Variants in HCN2 observed in about 807,000 individuals in gnomAD.
HCN2 encodes the protein hyperpolarization activated cyclic nucleotide gated potassium and sodium channel 2.
In HCN2, 20 loss-of-function variants were observed where a neutral mutation model predicts 52.3. That is an observed-to-expected ratio of 0.38 (90% CI 0.27 to 0.56). The LOEUF is 0.56. Among genes scored for constraint, HCN2 ranks in the 20% least tolerant of loss-of-function variants. The pLI is 0.71. For synonymous variants in HCN2, 694 were observed against 537.0 expected (o/e 1.29, Z -4.04); for missense variants, 981 against 1,207.7 (o/e 0.81, Z 2.78).
chr19:603,688 G>C lies in HCN2; in HGVS notation c.777G>C (p.Leu259=). 2.5e-6 allele frequency: 4 copies of C among 1,612,782 alleles called. No individual in the cohort carries two copies. The highest frequency in any genetic ancestry group is 3.4e-6 in the Non-Finnish European group (4 of 1,179,750). Residue 259 remains leucine (L), a synonymous_variant, in exon 2 of 8, where the codon CTG becomes CTC. Transcript: ENST00000251287. ...VVSDTFFLMD[L]VLNFRTGIVI... ...CGGACACCTTCTTCCTCATGGACCT[G>C]GTGTTGAACTTCCGCACCGGCATTG... is the stretch of plus-strand genomic sequence containing the variant.
rs1568368521 is a variant in HCN2, at chr19:613,506, G to T, written c.1825+18G>T. 2.6e-6 allele frequency: 4 copies of T among 1,545,634 alleles called. No homozygotes were observed. On this transcript the variant is annotated intron_variant, in intron 6 of 7. Coordinates refer to ENST00000251287, the MANE Select transcript of HCN2 (RefSeq NM_001194.4). Reference sequence around the variant, plus strand: ...CTTCGGGGGTGAGCTTGAGGGGGGCGCGCCTGGAGGGGGAGGGGGCACGCG... The same window carrying T: ...CTTCGGGGGTGAGCTTGAGGGGGGCTCGCCTGGAGGGGGAGGGGGCACGCG...
chr19:596,444 C>T (rs963797080), intron 1 of HCN2, among the ~76,000 whole-genome samples: 15 of 152,206 alleles, frequency 9.9e-5, no homozygotes, highest in South Asian at 4.1e-4. Context: ...AGCCTCATCC[C>T]GGCCTCCGGA....
Position 610,251 on chromosome 19 carries a change from C to T in HCN2, c.1438-8C>T. On this transcript the variant is annotated splice_polypyrimidine_tract_variant and splice_region_variant and intron_variant, in intron 4 of 7. Transcript: ENST00000251287. ...GGTGTCTGACCCAGCCTCGCCTCCT[C>T]CCCACAGTACAAGCAGGTGGAGCAG... is the stretch of plus-strand genomic sequence containing the variant. 1 of 1,612,902 alleles carries T rather than the reference C, an allele frequency of 6.2e-7. No individual in the cohort carries two copies. Among genetic ancestry groups the T allele is most frequent in the Non-Finnish European group, 8.5e-7 (1 of 1,179,460 alleles).
intron 3 of HCN2, 21 bp from the exon 4 acceptor site, chr19:607,943 C>T (rs764626135): frequency 6.3e-7 from 1 of 1,593,220 alleles, no homozygotes; most frequent in South Asian, 1.1e-5. Context: ...CCCACCACCG[C>T]CCCTCCTGCT....
chr19:613,040 G>A (rs533635460), intron 5 of HCN2, among the ~76,000 whole-genome samples: 1 of 152,314 alleles, frequency 6.6e-6, no homozygotes, highest in African/African-American at 2.4e-5. Context: ...GGCAGATGTC[G>A]CCAATACGGT....
Position 616,325 on chromosome 19 carries a change from G to A in HCN2, c.2521G>A (p.Ala841Thr), listed in dbSNP as rs1421741453. ...APGPAASTRP[A>T]SSSTPRLGPT... is the part of the protein sequence containing the mutation. Reference sequence around the variant, plus strand: ...CGGCCCCGCGGCCTCCACACGCCCGGCCAGCAGCTCCACACCGCGCTTGGG... The same window carrying A: ...CGGCCCCGCGGCCTCCACACGCCCGACCAGCAGCTCCACACCGCGCTTGGG... Residue 841 changes from alanine (A) to threonine (T), a missense_variant, in exon 8 of 8, where the codon GCC becomes ACC. Ala to Thr is a moderately conservative substitution (Grantham distance 58). Around this residue, in one of 6 missense-constraint regions of HCN2, gnomAD observed 368 missense variants for 314.8 expected, o/e 1.17. Coordinates refer to ENST00000251287, the MANE Select transcript of HCN2 (RefSeq NM_001194.4). 4 of 1,174,502 alleles carry A rather than the reference G, an allele frequency of 3.4e-6. No homozygotes were observed. The highest frequency in any genetic ancestry group is 2.2e-5 in the South Asian group (1 of 44,740). The allele number at this position is 1,174,502 out of a possible 1,614,324, so 72.8% of individuals were successfully genotyped here.
chr19:591,472 G>A lies in HCN2; in HGVS notation c.632+895G>A, dbSNP rs1982870745. Among the ~76,000 whole-genome samples, 1 of 151,780 alleles carries A rather than the reference G, an allele frequency of 6.6e-6. No homozygotes were observed. The highest frequency in any genetic ancestry group is 1.5e-5 in the Non-Finnish European group (1 of 67,882). On this transcript the variant is annotated intron_variant, in intron 1 of 7. Transcript: ENST00000251287. The surrounding 1 kb of genome is among the most constrained non-coding windows in gnomAD (Gnocchi z 4.1). The stretch of plus-strand genomic sequence containing the variant: ...TTGGGACCAGGTGGCGGGCGTGCGC[G>A]TGTACGCCCGGGGCCGGTGTGCACC...
In HCN2 at chr19:617,124, C is replaced by T. The variant is rs1984005755; in HGVS notation, c.*650C>T. 1.3e-6 allele frequency: 1 copy of T among 749,602 alleles called. No homozygotes were observed. The highest frequency in any genetic ancestry group is 2.2e-6 in the Non-Finnish European group (1 of 456,238). 46.4% of individuals were successfully genotyped at this position (749,602 alleles called of 1,614,324 possible). A position where few individuals can be genotyped will look rare whatever the true frequency, so the allele number is the denominator to read the frequency against. On this transcript the variant is annotated 3_prime_UTR_variant, in exon 8 of 8. Transcript: ENST00000251287. The stretch of plus-strand genomic sequence containing the variant: ...CCCACGCCCCATTAACCCCCACACC[C>T]CCATTCCGCGCAATAAACGACAGCA...
intron 2 of HCN2, 49 bp from the exon 3 acceptor site, chr19:605,012 G>A: frequency 6.3e-7 from 1 of 1,580,750 alleles, no homozygotes. Context: ...CTCTGAAGGT[G>A]GGGGCCGGGG....
At position 617,152 on chromosome 19, in the gene HCN2, G is replaced by A; in HGVS notation, c.*678G>A. On this transcript the variant is annotated 3_prime_UTR_variant, in exon 8 of 8. Transcript: ENST00000251287. ...ATTCCGCGCAATAAACGACAGCATT[G>A]GCGCCAAGCCTGGCCGCGTGTGATT... 5.7e-6 allele frequency: 4 copies of A among 706,184 alleles called. No individual in the cohort carries two copies. Among genetic ancestry groups the A allele is most frequent in the South Asian group, 2.9e-5 (2 of 68,204 alleles). The allele number at this position is 706,184 out of a possible 1,614,324, so 43.7% of individuals were successfully genotyped here.
intron 5 of HCN2, among the ~76,000 whole-genome samples, chr19:611,212 AACCCACAAC>A (rs1983621663): frequency 6.6e-6 from 1 of 152,198 alleles, no homozygotes; most frequent in African/African-American, 2.4e-5. Context: ...GATGTAGTTC[AACCCACAAC>A]ACACATCAAA....
At position 617,070 on chromosome 19, in the gene HCN2, C is replaced by T. The variant is rs372466103; in HGVS notation, c.*596C>T. 1.3e-3 allele frequency: 777 copies of T among 582,254 alleles called. 1 individual carries two copies. Among genetic ancestry groups the T allele is most frequent in the African/African-American group, 0.012 (635 of 53,754 alleles). 36.1% of individuals were successfully genotyped at this position (582,254 alleles called of 1,614,324 possible). Reference sequence around the variant, plus strand: ...CCGCCGTGATGAATGTACTGACGAGCCGAGGCAGCAGTGCCCCCACCGTGG... The same window carrying T: ...CCGCCGTGATGAATGTACTGACGAGTCGAGGCAGCAGTGCCCCCACCGTGG... On this transcript the variant is annotated 3_prime_UTR_variant, in exon 8 of 8. Coordinates refer to ENST00000251287, the MANE Select transcript of HCN2 (RefSeq NM_001194.4).
At chr19:613,828 C>G (rs1400863946) in intron 6 of HCN2, 24 bp from the exon 7 acceptor site, 1 of 660,120 alleles carries the variant, frequency 1.5e-6, no homozygotes, top group African/African-American at 3.2e-5. Flanking sequence ...CGTCCAGCAA[C>G]CCCCCCCTGC....
In HCN2 at chr19:613,662, C is replaced by CGGGGATGGGGAT. The variant is rs1156401344; in HGVS notation, c.1825+179_1826-174dup. On this transcript the variant is annotated intron_variant, in intron 6 of 7. Coordinates refer to ENST00000251287, the MANE Select transcript of HCN2 (RefSeq NM_001194.4). ...CCGGGGATGGGGATGGGGATGGGGC[C>CGGGGATGGGGAT]GGGGATGGGGATGGGGCCGGGGATG... 4.6e-4 allele frequency among the ~76,000 whole-genome samples: 6 copies of CGGGGATGGGGAT among 13,174 alleles called. 1 individual carries two copies. Among genetic ancestry groups the CGGGGATGGGGAT allele is most frequent in the Non-Finnish European group, 8.1e-4 (6 of 7,386 alleles). The allele number at this position is 13,174 out of a possible 152,430, so 8.6% of individuals were successfully genotyped here. A position where few individuals can be genotyped will look rare whatever the true frequency, so the allele number is the denominator to read the frequency against.
intron 1 of HCN2, among the ~76,000 whole-genome samples, chr19:598,792 T>C (rs1328065484): frequency 6.6e-6 from 1 of 151,690 alleles, no homozygotes; most frequent in Non-Finnish European, 1.5e-5. Context: ...GTATTTTTAG[T>C]AGAGACGGGG....
At chr19:600,022 T>C (rs942662161) in intron 1 of HCN2, among the ~76,000 whole-genome samples, 3 of 152,036 alleles carry the variant, frequency 2.0e-5, no homozygotes, top group Non-Finnish European at 4.4e-5. Context: ...CCCCCAGTGT[T>C]AATGGCAAAA....
At chr19:610,983 C>T (rs913233842) in intron 5 of HCN2, among the ~76,000 whole-genome samples, 2 of 151,952 alleles carry the variant, frequency 1.3e-5, no homozygotes, top group Non-Finnish European at 2.9e-5. Flanking sequence ...GCGCCCTTGG[C>T]TTGCAGATTG....
chr19:591,171 C>G lies in HCN2; in HGVS notation c.632+594C>G, dbSNP rs1982861455. 1 of 151,992 alleles carries G rather than the reference C, an allele frequency of 6.6e-6. No homozygotes were observed. The highest frequency in any genetic ancestry group is 2.1e-4 in the South Asian group (1 of 4,820). The allele number at this position is 151,992 out of a possible 1,614,324, so 9.4% of individuals were successfully genotyped here. A position where few individuals can be genotyped will look rare whatever the true frequency, so the allele number is the denominator to read the frequency against. Reference sequence around the variant, plus strand: ...TAGACGCCGCTGTGGATCCAGCCGGCTAATGCGTGGAAGGCTCGGAGCAGG... The same window carrying G: ...TAGACGCCGCTGTGGATCCAGCCGGGTAATGCGTGGAAGGCTCGGAGCAGG... On this transcript the variant is annotated intron_variant, in intron 1 of 7. Transcript: ENST00000251287. This position sits in a 1 kb window ranked among gnomAD's most constrained non-coding sequence, Gnocchi z 4.1.
intron 3 of HCN2, 26 bp from the exon 4 acceptor site, chr19:607,938 C>CACCG: frequency 6.3e-7 from 1 of 1,583,088 alleles, no homozygotes; most frequent in Middle Eastern, 2.1e-4. Context: ...ACCTGCCCAC[C>CACCG]ACCGCCCCTC....
Sources: allele counts gnomAD v4.1 joint callset (sites outside exome capture counted in the v4.1 genomes callset), GRCh38; gene constraint gnomAD v4.1.1; regional missense constraint gnomAD v4.1.1; non-coding constraint Gnocchi (gnomAD v3.1); transcripts MANE v1.5; gene names NCBI Gene and HGNC (gene_info 2026-07-23, HGNC 2026-07-21).